Variants in TMEM154 observed in about 807,000 individuals in gnomAD.
The protein encoded by TMEM154 is transmembrane protein 154.
A neutral mutation model predicts 24.5 loss-of-function variants in TMEM154; 27 were observed. That is an observed-to-expected ratio of 1.10 (90% CI 0.81 to 1.52). The LOEUF (loss-of-function observed/expected upper bound fraction) is 1.52. Ranked by LOEUF, TMEM154 falls within the 40% of genes most tolerant of loss-of-function variation. The pLI is 0.00. For synonymous variants in TMEM154, 67 were observed against 76.8 expected (o/e 0.87, Z 0.67); for missense variants, 228 against 213.4 (o/e 1.07, Z -0.43).
chr4:152,638,560 C>A (rs952167496), intron 6 of TMEM154, among the ~76,000 whole-genome samples: 1 of 152,120 alleles, frequency 6.6e-6, no homozygotes, highest in African/African-American at 2.4e-5. Context: ...AGTATAAAGG[C>A]AGTGAGTTTC....
chr4:152,644,322 A>C, intron 4 of TMEM154, 93 bp downstream of exon 4: 1 of 1,406,322 alleles, frequency 7.1e-7, no homozygotes, highest in Non-Finnish European at 1.0e-6. Context: ...GTCCCGCAAG[A>C]TGTCAGAACA....
intron 3 of TMEM154, 113 bp downstream of exon 3, chr4:152,652,425 G>A (rs1561051444): frequency 1.4e-6 from 2 of 1,449,628 alleles, no homozygotes; most frequent in East Asian, 4.8e-5. Flanking sequence ...TCATTGAAAT[G>A]TATTATTTAT....
intron 6 of TMEM154, among the ~76,000 whole-genome samples, chr4:152,632,566 T>A (rs1752066611): frequency 6.6e-6 from 1 of 152,232 alleles, no homozygotes; most frequent in African/African-American, 2.4e-5. Context: ...TTTACATGGT[T>A]GAGTCTTTCA....
At chr4:152,664,737 T>C (rs1464675767) in intron 1 of TMEM154, among the ~76,000 whole-genome samples, 1 of 152,260 alleles carries the variant, frequency 6.6e-6, no homozygotes, top group African/African-American at 2.4e-5. Flanking sequence ...CCCCATTCTT[T>C]CATTTGTCAA....
chr4:152,640,804 C>A, intron 6 of TMEM154, 124 bp downstream of exon 6: 1 of 779,660 alleles, frequency 1.3e-6, no homozygotes. Flanking sequence ...ACATATCCAG[C>A]CGCGTAAATG....
intron 1 of TMEM154, among the ~76,000 whole-genome samples, chr4:152,659,030 T>C (rs899877668): frequency 1.3e-5 from 2 of 152,024 alleles, no homozygotes; most frequent in African/African-American, 4.8e-5. Context: ...CAAAGGAAAA[T>C]AAATCAGTAT....
At chr4:152,665,778 C>T (rs564728862) in intron 1 of TMEM154, among the ~76,000 whole-genome samples, 1 of 147,062 alleles carries the variant, frequency 6.8e-6, no homozygotes, top group Admixed American at 6.8e-5. Context: ...GGAGGGGGCC[C>T]AAGAATTTGC....
At position 152,679,881 on chromosome 4, in the gene TMEM154, G is replaced by A. The variant is rs1286408516; in HGVS notation, c.53C>T (p.Pro18Leu). 5 of 1,609,764 alleles carry A rather than the reference G, an allele frequency of 3.1e-6. No homozygotes were observed. The Admixed American group carries it at 6.7e-5, about 22-fold the overall frequency. Residue 18 changes from proline to leucine, a missense_variant, in exon 1 of 7, where the codon CCC (proline) becomes CTC (leucine). By Grantham distance (98) the Pro-to-Leu change is moderately conservative (BLOSUM62 -3). Transcript: ENST00000304385. ...TGGAGGCGGCTTACCCCGGCCGACG[G>A]GAACGAGCGCGATCACCAGGGCGAA... is the stretch of plus-strand genomic sequence containing the variant. ...LVFALVIALV[P>L]VGRGNYEELE...
intron 6 of TMEM154, among the ~76,000 whole-genome samples, chr4:152,640,326 T>C (rs967335166): frequency 3.3e-5 from 5 of 152,256 alleles, no homozygotes; most frequent in Admixed American, 2.6e-4. Flanking sequence ...CTTAGAACAC[T>C]TCCCATGTCC....
chr4:152,641,204 T>C (rs1752250833), intron 5 of TMEM154: 1 of 506,968 alleles, frequency 2.0e-6, no homozygotes, highest in Non-Finnish European at 3.4e-6. Context: ...AACATGCCTC[T>C]GACACTGGAA....
intron 4 of TMEM154, among the ~76,000 whole-genome samples, chr4:152,643,822 TA>T (rs1561047851): frequency 1.3e-5 from 2 of 152,104 alleles, no homozygotes; most frequent in African/African-American, 4.8e-5. Flanking sequence ...ATAAAGTTTC[TA>T]AACCAGGAGG....
chr4:152,660,390 T>TGG (rs1341127582), intron 1 of TMEM154, among the ~76,000 whole-genome samples: 1 of 148,832 alleles, frequency 6.7e-6, no homozygotes, highest in East Asian at 1.9e-4. Flanking sequence ...CCCCCTCACT[T>TGG]TACTTCTTTT....
At chr4:152,677,108 C>A (rs1198366554) in intron 1 of TMEM154, among the ~76,000 whole-genome samples, 2 of 152,184 alleles carry the variant, frequency 1.3e-5, no homozygotes, top group African/African-American at 4.8e-5. Flanking sequence ...CTGGCCAAGG[C>A]ACCTAGGCCC....
intron 1 of TMEM154, among the ~76,000 whole-genome samples, chr4:152,679,295 G>GA (rs1729013961): frequency 6.7e-6 from 1 of 150,056 alleles, no homozygotes; most frequent in Non-Finnish European, 1.5e-5. Flanking sequence ...AAAAGTAGAT[G>GA]AAAGACCTTA....
intron 3 of TMEM154, among the ~76,000 whole-genome samples, chr4:152,648,029 A>C (rs543888017): frequency 6.6e-6 from 1 of 152,334 alleles, no homozygotes; most frequent in African/African-American, 2.4e-5. Context: ...CCCAGAAAGA[A>C]AAGAAGAAAA....
rs1751940020 is a variant in TMEM154 at position 152,627,459 on chromosome 4, T to A, written c.*1087A>T. 6.6e-6 allele frequency: 1 copy of A among 152,220 alleles called. No individual in the cohort carries two copies. The highest frequency in any genetic ancestry group is 1.5e-5 in the Non-Finnish European group (1 of 68,034). The allele number at this position is 152,220 out of a possible 1,614,324, so 9.4% of individuals were successfully genotyped here. On this transcript the variant is annotated 3_prime_UTR_variant, in exon 7 of 7. Coordinates refer to ENST00000304385, the MANE Select transcript of TMEM154 (RefSeq NM_152680.3). ...AACAATTTTACTGGAGTAGGTGTGG[T>A]CAATAGGCCCTTTTCCATTTTGTGC...
At position 152,628,565 on chromosome 4, in the gene TMEM154, T is replaced by TAAAAAAAAAAAAA. The variant is rs747613909; in HGVS notation, c.537-17_537-5dup. 10 of 518,594 alleles carry TAAAAAAAAAAAAA rather than the reference T, an allele frequency of 1.9e-5. No homozygotes were observed. The African/African-American group carries it at 3.5e-4, about 18-fold the overall frequency. The allele number at this position is 518,594 out of a possible 1,614,324, so 32.1% of individuals were successfully genotyped here. ...TCAGGTTTAGGATTCACTGTCACTGTAAAAAAAAAAAAAAAAAAAAAAAAA... is the reference window on the plus strand; with the variant it reads ...TCAGGTTTAGGATTCACTGTCACTGTAAAAAAAAAAAAAAAAAAAAAAAAAAAAAAAAAAAAAA... On this transcript the variant is annotated splice_region_variant and splice_polypyrimidine_tract_variant and intron_variant, in intron 6 of 6. Transcript: ENST00000304385.
rs2149776313 is a variant in TMEM154 at position 152,627,775 on chromosome 4, A to G, written c.*771T>C. On this transcript the variant is annotated 3_prime_UTR_variant, in exon 7 of 7. Coordinates refer to ENST00000304385, the MANE Select transcript of TMEM154 (RefSeq NM_152680.3). ...ACATCCAAGGGAGGTATGGTGAAAC[A>G]AGTGTGAGCTTTGCAGAAATGCTGA... The G allele has an allele frequency of 6.6e-6, 1 of 152,354 alleles. No individual in the cohort carries two copies. Among genetic ancestry groups the G allele is most frequent in the South Asian group, 2.1e-4 (1 of 4,826 alleles). 9.4% of individuals were successfully genotyped at this position (152,354 alleles called of 1,614,324 possible). A position where few individuals can be genotyped will look rare whatever the true frequency, so the allele number is the denominator to read the frequency against.
chr4:152,658,587 C>T (rs1457102138), intron 1 of TMEM154, among the ~76,000 whole-genome samples: 1 of 145,944 alleles, frequency 6.9e-6, no homozygotes, highest in Non-Finnish European at 1.5e-5. Flanking sequence ...ATAGGAGGAT[C>T]ACCTGAGGTC....
Sources: gnomAD v4.1 joint callset for allele counts (sites outside exome capture counted in the v4.1 genomes callset) on GRCh38, gnomAD v4.1.1 for gene constraint, MANE v1.5 for transcripts, NCBI Gene and HGNC (gene_info 2026-07-23, HGNC 2026-07-21) for gene names.